Variants in ECT2L observed in about 807,000 individuals in gnomAD.
The protein encoded by ECT2L is epithelial cell transforming 2 like.
A neutral mutation model predicts 122.8 loss-of-function variants in ECT2L; 126 were observed. The observed-to-expected ratio is 1.03, with a 90% CI of 0.89 to 1.19. ECT2L has a LOEUF of 1.19. Ranked by LOEUF, ECT2L falls within the 50% of genes most tolerant of loss-of-function variation. The pLI, the probability that ECT2L is intolerant of heterozygous loss-of-function variation, is 0.00. For synonymous variants in ECT2L, 385 were observed against 381.8 expected (o/e 1.01, Z -0.10); for missense variants, 1,012 against 1,064.1 (o/e 0.95, Z 0.68).
chr6:138,808,041 AACACACACACAGCCATGCAC>A (rs1775769986), intron 1 of ECT2L, among the ~76,000 whole-genome samples: 2 of 151,956 alleles, frequency 1.3e-5, no homozygotes, highest in Admixed American at 1.3e-4. Context: ...CAGTTTGTCA[AACACACACACAGCCATGCAC>A]ACACACACAC....
At chr6:138,844,913 C>G (rs1777170222) in intron 7 of ECT2L, among the ~76,000 whole-genome samples, 1 of 151,136 alleles carries the variant, frequency 6.6e-6, no homozygotes, top group South Asian at 2.1e-4. Flanking sequence ...CAGGCATGTG[C>G]CACTGAGCCC....
rs143647611 is a variant in ECT2L, at chr6:138,848,906, C to T, written c.904-363C>T. Among the ~76,000 whole-genome samples, 847 of 152,268 alleles carry T rather than the reference C, an allele frequency of 5.6e-3. 4 individuals carry two copies. The highest frequency in any genetic ancestry group is 0.02 in the African/African-American group (810 of 41,538). ...TTGAGCTCAAGTTATCCGTCAGCCT[C>T]GGTCTCCCAGAGTGCTGGGATTACA... On this transcript the variant is annotated intron_variant, in intron 8 of 21. Transcript: ENST00000541398.
chr6:138,895,952 A>G (rs1013002348), intron 20 of ECT2L, among the ~76,000 whole-genome samples: 2 of 152,154 alleles, frequency 1.3e-5, no homozygotes, highest in Non-Finnish European at 2.9e-5. Context: ...TTATTTTAAG[A>G]GCTGGGAAAT....
At chr6:138,870,615 GAGAA>G (rs1317408850) in intron 13 of ECT2L, among the ~76,000 whole-genome samples, 2 of 133,336 alleles carry the variant, frequency 1.5e-5, no homozygotes, top group Admixed American at 7.7e-5. Context: ...TGAGCCCTGA[GAGAA>G]CTTAAGGGGA....
chr6:138,873,027 T>C (rs944459026), intron 13 of ECT2L, among the ~76,000 whole-genome samples: 6 of 152,178 alleles, frequency 3.9e-5, no homozygotes, highest in African/African-American at 1.4e-4. Flanking sequence ...TCTCCTCTAG[T>C]TCCTCTGCCA....
In ECT2L at chr6:138,885,749, T is replaced by C; in HGVS notation, c.2178T>C (p.His726=). ...YLNLLYAVRL[H]TPAEHVDRGD... ...ATCTTCTCTACGCTGTCAGGCTTCA[T>C]ACCCCTGCAGAGCATGTTGACCGTG... Residue 726 remains histidine, a synonymous_variant, in exon 18 of 22, where the codon CAT becomes CAC. Coordinates refer to ENST00000541398, the MANE Select transcript of ECT2L (RefSeq NM_001077706.3). 6.2e-7 allele frequency: 1 copy of C among 1,614,194 alleles called. No individual in the cohort carries two copies. Among genetic ancestry groups the C allele is most frequent in the Non-Finnish European group, 8.5e-7 (1 of 1,180,032 alleles).
At position 138,813,307 on chromosome 6, in the gene ECT2L, G is replaced by C; in HGVS notation, c.33G>C (p.Trp11Cys). ...GCTTCCACACCAGATTTAGTGCCTG[G>C]ACACCTTTTAGCAACAAGTCATTAA... MESFHTRFSA[W>C]TPFSNKSLNR... Residue 11 changes from tryptophan (W) to cysteine (C), a missense_variant, in exon 3 of 22, where the codon TGG (tryptophan) becomes TGC (cysteine). Physicochemically the swap from Trp to Cys is radical, Grantham distance 215. Transcript: ENST00000541398. 1 of 1,612,262 alleles carries C rather than the reference G, an allele frequency of 6.2e-7. No homozygotes were observed. Among genetic ancestry groups the C allele is most frequent in the Non-Finnish European group, 8.5e-7 (1 of 1,179,578 alleles).
chr6:138,818,025 T>C (rs1776128198), intron 4 of ECT2L, among the ~76,000 whole-genome samples: 5 of 152,204 alleles, frequency 3.3e-5, no homozygotes, highest in Admixed American at 3.3e-4. Context: ...TCAGTCCCCT[T>C]GCCACACTGG....
chr6:138,885,474 A>G (rs1275824397), intron 16 of ECT2L, 32 bp from the exon 17 acceptor site: 7 of 1,608,122 alleles, frequency 4.4e-6, no homozygotes, highest in East Asian at 2.2e-5. Flanking sequence ...ACTATCTCAT[A>G]AAGTTTTGAC....
chr6:138,856,827 C>T (rs967316765), intron 10 of ECT2L, among the ~76,000 whole-genome samples: 1 of 152,180 alleles, frequency 6.6e-6, no homozygotes, highest in African/African-American at 2.4e-5. Context: ...GATTGCAACA[C>T]CGATGAGCAA....
chr6:138,873,892 G>GTGTGTGTGTGTTTA (rs1554276985), intron 13 of ECT2L, among the ~76,000 whole-genome samples: 2 of 134,850 alleles, frequency 1.5e-5, no homozygotes, highest in African/African-American at 5.5e-5. Context: ...GTGTGTGTGT[G>GTGTGTGTGTGTTTA]TGTGTGTGTG....
In ECT2L at chr6:138,876,552, T is replaced by G; in HGVS notation, c.1659T>G (p.Ile553Met). 1 of 1,604,220 alleles carries G rather than the reference T, an allele frequency of 6.2e-7. No homozygotes were observed. Among genetic ancestry groups the G allele is most frequent in the South Asian group, 1.1e-5 (1 of 90,596 alleles). ...SKNDLNFEAL[I>M]NLERILQKDS... Reference sequence around the variant, plus strand: ...ATGATTTAAATTTTGAAGCACTGATTAATCTGGTAAGCTATTATATAATGT... The same window carrying G: ...ATGATTTAAATTTTGAAGCACTGATGAATCTGGTAAGCTATTATATAATGT... Residue 553 changes from isoleucine to methionine, a missense_variant, in exon 14 of 22, where the codon ATT becomes ATG. Ile to Met is a conservative substitution (Grantham distance 10). Coordinates refer to ENST00000541398, the MANE Select transcript of ECT2L (RefSeq NM_001077706.3).
At chr6:138,812,524 A>T (rs1017235064) in intron 1 of ECT2L, among the ~76,000 whole-genome samples, 18 of 152,292 alleles carry the variant, frequency 1.2e-4, no homozygotes, top group Non-Finnish European at 1.5e-5. Context: ...TTACTTTCAG[A>T]CAGATGCAGT....
At chr6:138,875,016 G>A (rs1160277445) in intron 13 of ECT2L, among the ~76,000 whole-genome samples, 1 of 152,196 alleles carries the variant, frequency 6.6e-6, no homozygotes, top group Non-Finnish European at 1.5e-5. Context: ...GAGCTTGGGA[G>A]GTCGAGGCTG....
intron 9 of ECT2L, among the ~76,000 whole-genome samples, chr6:138,851,167 G>C (rs935412453): frequency 6.6e-6 from 1 of 151,982 alleles, no homozygotes; most frequent in African/African-American, 2.4e-5. Flanking sequence ...TTTTCTGTGT[G>C]TATCTGTGCT....
At chr6:138,878,930 C>CA (rs1176668963) in intron 14 of ECT2L, 2 of 153,420 alleles carry the variant, frequency 1.3e-5, no homozygotes, top group African/African-American at 4.8e-5. Context: ...AAGAATAGAG[C>CA]AAACTATACT....
intron 4 of ECT2L, among the ~76,000 whole-genome samples, chr6:138,834,941 A>G (rs569886410): frequency 0.011 from 1,124 of 104,980 alleles, 19 homozygotes; most frequent in African/African-American, 0.038. Context: ...ACACACTCTC[A>G]TTCTCTCTCT....
chr6:138,832,102 T>C (rs1776666459), intron 4 of ECT2L, among the ~76,000 whole-genome samples: 1 of 152,156 alleles, frequency 6.6e-6, no homozygotes, highest in Admixed American at 6.5e-5. Flanking sequence ...TAGTTTTCCC[T>C]CCTTTGGTTT....
At chr6:138,859,546 C>T (rs960504834) in intron 10 of ECT2L, among the ~76,000 whole-genome samples, 9 of 152,144 alleles carry the variant, frequency 5.9e-5, no homozygotes, top group African/African-American at 1.7e-4. Context: ...CCACTTGGTA[C>T]GGCCAGTCTT....
Sources: allele counts gnomAD v4.1 joint callset (sites outside exome capture counted in the v4.1 genomes callset), GRCh38; gene constraint gnomAD v4.1.1; transcripts MANE v1.5; gene names NCBI Gene and HGNC (gene_info 2026-07-23, HGNC 2026-07-21).